OTOP2: variants seen among roughly 807,000 people sequenced by gnomAD.
OTOP2 encodes proton channel OTOP2.
Under a neutral mutation model 47.4 loss-of-function variants are expected in OTOP2, and 41 were observed. That is an observed-to-expected ratio of 0.87 (90% CI 0.67 to 1.12). OTOP2 has a LOEUF of 1.12. Among genes scored for constraint, OTOP2 ranks in the 50% most tolerant of loss-of-function variants. The pLI is 0.00. For missense variants in OTOP2, 721 were observed against 752.2 expected (o/e 0.96, Z 0.49); for synonymous variants, 328 against 319.6 (o/e 1.03, Z -0.28).
At chr17:74,932,965 C>T (rs2039072862) in intron 6 of OTOP2, among the ~76,000 whole-genome samples, 1 of 152,034 alleles carries the variant, frequency 6.6e-6, no homozygotes, top group Admixed American at 6.6e-5. Flanking sequence ...AACCCCAAAC[C>T]CCTGCCTTGA....
At chr17:74,932,734 A>G (rs896412722) in intron 6 of OTOP2, among the ~76,000 whole-genome samples, 2 of 152,204 alleles carry the variant, frequency 1.3e-5, no homozygotes, top group African/African-American at 4.8e-5. Flanking sequence ...GGGGACTGCA[A>G]TGTGCCCAAG....
chr17:74,925,528 C>G lies in OTOP2; in HGVS notation c.314-28C>G, dbSNP rs375995279. The G allele has an allele frequency of 6.2e-6, 10 of 1,610,362 alleles. No individual in the cohort carries two copies. In the African/African-American group the frequency reaches 1.2e-4, roughly 19 times the overall value. On this transcript the variant is annotated intron_variant, in intron 2 of 6. Coordinates refer to ENST00000331427, the MANE Select transcript of OTOP2 (RefSeq NM_178160.3). ...TCTCTCCTGCCTCTTTGATCCACCA[C>G]CACCACCCACCCACCCCTGGTTTCC...
chr17:74,927,987 G>C, intron 5 of OTOP2, 189 bp downstream of exon 5: 2 of 768,838 alleles, frequency 2.6e-6, no homozygotes, highest in South Asian at 4.0e-5. Context: ...GAAGTATCAG[G>C]GGTACCCTTT....
chr17:74,927,601 G>C (rs930479822), intron 4 of OTOP2, 64 bp from the exon 5 acceptor site: 2 of 1,568,138 alleles, frequency 1.3e-6, no homozygotes, highest in Non-Finnish European at 1.7e-6. Flanking sequence ...CCAGCTCTCA[G>C]TATTGCTCCC....
At chr17:74,931,721 G>A (rs1217064034) in intron 6 of OTOP2, among the ~76,000 whole-genome samples, 3 of 152,118 alleles carry the variant, frequency 2.0e-5, no homozygotes, top group Admixed American at 6.5e-5. Context: ...TTGGGAGGCC[G>A]AGGCAGGCAG....
At chr17:74,928,993 G>A (rs1420167692) in intron 5 of OTOP2, among the ~76,000 whole-genome samples, 1 of 152,160 alleles carries the variant, frequency 6.6e-6, no homozygotes, top group Non-Finnish European at 1.5e-5. Context: ...GCTGGAGAGA[G>A]GCCTGTCAGA....
intron 3 of OTOP2, 88 bp from the exon 4 acceptor site, chr17:74,927,135 G>A (rs1036094594): frequency 3.4e-5 from 41 of 1,212,328 alleles, no homozygotes; most frequent in Middle Eastern, 1.9e-4. Flanking sequence ...TTCCTCAGGC[G>A]GAGAGAACAA....
chr17:74,927,718 T>A lies in OTOP2; in HGVS notation c.563T>A (p.Val188Glu), dbSNP rs1441797796. The change falls in exon 5 of 7, where the codon GTG (valine) becomes GAG (glutamate). Residue 188 changes from valine (V) to glutamate (E), a missense_variant. By Grantham distance (121) the Val-to-Glu change is moderately radical (BLOSUM62 -2). Coordinates refer to ENST00000331427, the MANE Select transcript of OTOP2 (RefSeq NM_178160.3). ...AACCTGGCCATCTGGATGGCGGCCG[T>A]GGTGGATGAATCTGTGCACCAATCC... Reference protein sequence around the residue: ...TTNLAIWMAAVVDESVHQSHS... With the variant: ...TTNLAIWMAAEVDESVHQSHS... 3 of 1,614,104 alleles carry A rather than the reference T, an allele frequency of 1.9e-6. No homozygotes were observed. The South Asian group carries it at 3.3e-5, about 18-fold the overall frequency.
intron 5 of OTOP2, among the ~76,000 whole-genome samples, chr17:74,928,751 C>T (rs1323247453): frequency 6.6e-6 from 1 of 152,200 alleles, no homozygotes; most frequent in African/African-American, 2.4e-5. Flanking sequence ...ATCCAGTCTC[C>T]AGTCCTCATT....
rs548812987 is a variant in OTOP2, at chr17:74,924,747, G to C, written c.115G>C (p.Val39Leu). 59 of 1,608,786 alleles carry C rather than the reference G, an allele frequency of 3.7e-5. No homozygotes were observed. In the South Asian group the frequency reaches 6.5e-4, roughly 18 times the overall value. Residue 39 changes from valine (V) to leucine (L), a missense_variant, in exon 2 of 7, where the codon GTG becomes CTG. Physicochemically the swap from Val to Leu is conservative, Grantham distance 32 (BLOSUM62 1). Coordinates refer to ENST00000331427, the MANE Select transcript of OTOP2 (RefSeq NM_178160.3). This position sits in a 1 kb window ranked among gnomAD's most constrained non-coding sequence, Gnocchi z 7.7. The stretch of plus-strand genomic sequence containing the variant: ...GCTGTCGGTGCTGCTGGCGGTGAAC[G>C]TGCTGCTCCTCGCCTGCACGCTCAT... ...RLLSVLLAVN[V>L]LLLACTLISG...
At position 74,933,280 on chromosome 17, in the gene OTOP2, G is replaced by A; in HGVS notation, c.1519-95G>A. ...TCCGTGTCCACCAAGCTAGAAGGATGGGCCGCCATCTAGCCACGGCCCAGC... is the reference window on the plus strand; with the variant it reads ...TCCGTGTCCACCAAGCTAGAAGGATAGGCCGCCATCTAGCCACGGCCCAGC... On this transcript the variant is annotated intron_variant, in intron 6 of 6. Coordinates refer to ENST00000331427, the MANE Select transcript of OTOP2 (RefSeq NM_178160.3). The surrounding 1 kb of genome is among the most constrained non-coding windows in gnomAD (Gnocchi z 4.7). 9 of 1,438,276 alleles carry A rather than the reference G, an allele frequency of 6.3e-6. No individual in the cohort carries two copies. Among genetic ancestry groups the A allele is most frequent in the Non-Finnish European group, 8.5e-6 (9 of 1,056,936 alleles). The allele number at this position is 1,438,276 out of a possible 1,614,324, so 89.1% of individuals were successfully genotyped here. A position where few individuals can be genotyped will look rare whatever the true frequency, so the allele number is the denominator to read the frequency against.
Position 74,930,639 on chromosome 17 carries a change from G to A in OTOP2, c.1004G>A (p.Cys335Tyr), listed in dbSNP as rs2039047653. ...LVIYYSFNIVCLGLTTLVSLS... is the reference protein window; with the variant it reads ...LVIYYSFNIVYLGLTTLVSLS... ...ATCTACTACAGCTTCAACATTGTCT[G>A]CTTGGGACTCACCACCTTGGTCAGC... The change falls in exon 6 of 7, where the codon TGC (cysteine) becomes TAC (tyrosine). Residue 335 changes from cysteine (C) to tyrosine (Y), a missense_variant. Cys to Tyr is a radical substitution (Grantham distance 194). Coordinates refer to ENST00000331427, the MANE Select transcript of OTOP2 (RefSeq NM_178160.3). This position sits in a 1 kb window ranked among gnomAD's most constrained non-coding sequence, Gnocchi z 4.0. 2 of 1,614,010 alleles carry A rather than the reference G, an allele frequency of 1.2e-6. No homozygotes were observed. The highest frequency in any genetic ancestry group is 1.7e-6 in the Non-Finnish European group (2 of 1,180,004).
chr17:74,930,722 C>T lies in OTOP2; in HGVS notation c.1087C>T (p.Pro363Ser). Residue 363 changes from proline to serine, a missense_variant, in exon 6 of 7, where the codon CCC becomes TCC. Coordinates refer to ENST00000331427, the MANE Select transcript of OTOP2 (RefSeq NM_178160.3). This position sits in a 1 kb window ranked among gnomAD's most constrained non-coding sequence, Gnocchi z 4.0. ...DRRAMDHHKN[P>S]TRTLDVALLM... is the part of the protein sequence containing the mutation. The stretch of plus-strand genomic sequence containing the variant: ...CCGGGCCATGGACCACCATAAGAAC[C>T]CCACGCGCACTCTGGACGTGGCCCT... 6.2e-7 allele frequency: 1 copy of T among 1,614,104 alleles called. No homozygotes were observed. The highest frequency in any genetic ancestry group is 8.5e-7 in the Non-Finnish European group (1 of 1,180,030).
rs775202768 is a variant in OTOP2, at chr17:74,930,319, C to T, written c.684C>T (p.Cys228=). Residue 228 remains cysteine (C), a synonymous_variant, in exon 6 of 7, where the codon TGC becomes TGT. Transcript: ENST00000331427. The surrounding 1 kb of genome is among the most constrained non-coding windows in gnomAD (Gnocchi z 4.0). ...DNPVGGDSCL[C]STAVCQIFQQ... is the part of the protein sequence containing the mutation. ...CGGTCGGAGGAGACTCCTGCCTCTG[C>T]AGCACGGCCGTCTGCCAGATCTTCC... is the stretch of plus-strand genomic sequence containing the variant. The T allele has an allele frequency of 6.2e-7, 1 of 1,613,936 alleles. No homozygotes were observed. Among genetic ancestry groups the T allele is most frequent in the African/African-American group, 1.3e-5 (1 of 74,936 alleles).
At chr17:74,929,508 C>G (rs1297137407) in intron 5 of OTOP2, among the ~76,000 whole-genome samples, 1 of 152,178 alleles carries the variant, frequency 6.6e-6, no homozygotes, top group African/African-American at 2.4e-5. Context: ...TCACTGCAAC[C>G]TCTGCCTCCT....
chr17:74,925,466 T>A, intron 2 of OTOP2, 90 bp from the exon 3 acceptor site: 4 of 1,513,162 alleles, frequency 2.6e-6, no homozygotes, highest in Non-Finnish European at 3.6e-6. Context: ...CCATCTAGCC[T>A]CCCATCCTCA....
rs377385146 is a variant in OTOP2, at chr17:74,927,258, T to A, written c.486T>A (p.Val162=). ...YFLWVSAKDC[V]HVHLDLTWCG... ...TCTGGGTCTCTGCTAAAGACTGCGT[T>A]CACGTCCACCTGGATCTGACCTGGT... Residue 162 remains valine (V), a synonymous_variant, in exon 4 of 7, where the codon GTT becomes GTA. Coordinates refer to ENST00000331427, the MANE Select transcript of OTOP2 (RefSeq NM_178160.3). The A allele has an allele frequency of 1.9e-6, 3 of 1,613,550 alleles. No individual in the cohort carries two copies. Among genetic ancestry groups the A allele is most frequent in the Non-Finnish European group, 2.5e-6 (3 of 1,179,646 alleles).
At chr17:74,927,356 C>T (rs1427478341) in intron 4 of OTOP2, 75 bp downstream of exon 4, 2 of 1,502,100 alleles carry the variant, frequency 1.3e-6, no homozygotes, top group Non-Finnish European at 1.9e-6. Context: ...GCTTTCCACC[C>T]TGGGGCAGGG....
At chr17:74,926,632 C>A (rs149828474) in intron 3 of OTOP2, among the ~76,000 whole-genome samples, 1 of 151,876 alleles carries the variant, frequency 6.6e-6, no homozygotes, top group Admixed American at 6.6e-5. Context: ...AACCCCACCA[C>A]GAGCAGGGTT....
Sources: gnomAD v4.1 joint callset for allele counts (sites outside exome capture counted in the v4.1 genomes callset) on GRCh38, gnomAD v4.1.1 for gene constraint, Gnocchi (gnomAD v3.1) non-coding constraint, MANE v1.5 for transcripts, NCBI Gene and HGNC (gene_info 2026-07-23, HGNC 2026-07-21) for gene names.